The following RGS20 variants were observed in gnomAD, a reference collection of about 807,000 sequenced individuals.
The protein encoded by RGS20 is gz-selective GTPase-activating protein.
A neutral mutation model predicts 33.6 loss-of-function variants in RGS20; 30 were observed. The ratio of observed to expected loss-of-function variants is 0.89; its 90% CI spans 0.67 to 1.21. The LOEUF is 1.21. Among genes scored for constraint, RGS20 ranks in the 50% most tolerant of loss-of-function variants. RGS20 has a pLI of 0.00. For synonymous variants in RGS20, 208 were observed against 197.9 expected, an observed-to-expected ratio of 1.05 and a Z score of -0.43; for missense variants, 472 against 502.4, an observed-to-expected ratio of 0.94 and a Z score of 0.58.
chr8:53,881,179 G>T lies in RGS20; in HGVS notation c.510+1577G>T, dbSNP rs1812370021. The T allele has an allele frequency of 8.6e-6, 8 of 933,518 alleles. 1 individual carries two copies. The highest frequency in any genetic ancestry group is 3.2e-4 in the Middle Eastern group (1 of 3,122). The allele number at this position is 933,518 out of a possible 1,614,324, so 57.8% of individuals were successfully genotyped here. A position where few individuals can be genotyped will look rare whatever the true frequency, so the allele number is the denominator to read the frequency against. On this transcript the variant is annotated intron_variant, in intron 2 of 5. Coordinates refer to ENST00000297313, the MANE Select transcript of RGS20 (RefSeq NM_170587.4). Reference sequence around the variant, plus strand: ...TGGCCGAGGCTGGGAGGGGCGCGCCGCTCGTCCGGACCTCAGGGTGTCGCC... The same window carrying T: ...TGGCCGAGGCTGGGAGGGGCGCGCCTCTCGTCCGGACCTCAGGGTGTCGCC...
chr8:53,957,075 C>CA (rs1357605203), intron 5 of RGS20, among the ~76,000 whole-genome samples: 1 of 152,176 alleles, frequency 6.6e-6, no homozygotes, highest in Non-Finnish European at 1.5e-5. Flanking sequence ...CACTAGGACA[C>CA]AGAGTTTACC....
chr8:53,881,417 T>C (rs1812379850), intron 2 of RGS20, among the ~76,000 whole-genome samples: 1 of 151,994 alleles, frequency 6.6e-6, no homozygotes, highest in Non-Finnish European at 1.5e-5. Flanking sequence ...CTTTAGACCC[T>C]AGAAATCGCA....
At chr8:53,864,447 A>C (rs951045929) in intron 1 of RGS20, among the ~76,000 whole-genome samples, 3 of 151,832 alleles carry the variant, frequency 2.0e-5, no homozygotes, top group African/African-American at 4.8e-5. Context: ...AAAAAAAAAA[A>C]AAAACTCAGA....
At chr8:53,868,659 T>C (rs972773007) in intron 1 of RGS20, among the ~76,000 whole-genome samples, 2 of 152,098 alleles carry the variant, frequency 1.3e-5, no homozygotes, top group Non-Finnish European at 2.9e-5. Context: ...GGTAAATATA[T>C]ATATATATAT....
chr8:53,882,913 A>G (rs1041282272), intron 2 of RGS20, among the ~76,000 whole-genome samples: 23 of 152,032 alleles, frequency 1.5e-4, no homozygotes, highest in Admixed American at 6.6e-5. Context: ...GCTTGGCTTC[A>G]TTTCATCCCT....
intron 2 of RGS20, among the ~76,000 whole-genome samples, chr8:53,909,209 G>GTGTA (rs1242600309): frequency 9.1e-5 from 4 of 43,732 alleles, no homozygotes; most frequent in African/African-American, 2.2e-4. Context: ...TGGTATGTGT[G>GTGTA]TATATATATA....
intron 2 of RGS20, among the ~76,000 whole-genome samples, chr8:53,911,562 T>TTG (rs34215280): frequency 0.41 from 61,820 of 151,870 alleles, 15,748 homozygotes; most frequent in African/African-American, 0.74. Context: ...ATTTAAAATA[T>TTG]AGTCATATGG....
chr8:53,955,066 G>A (rs1814828304), intron 5 of RGS20, among the ~76,000 whole-genome samples: 1 of 151,206 alleles, frequency 6.6e-6, no homozygotes, highest in East Asian at 2.0e-4. Flanking sequence ...CCGCTCTGCA[G>A]GTCCACAGTC....
At chr8:53,952,442 C>A (rs1395780115) in intron 4 of RGS20, among the ~76,000 whole-genome samples, 3 of 150,774 alleles carry the variant, frequency 2.0e-5, no homozygotes, top group Middle Eastern at 3.4e-3. Context: ...AAAAAAAAAA[C>A]TGGCTGGGCA....
chr8:53,853,662 T>G (rs1410148279), intron 1 of RGS20, among the ~76,000 whole-genome samples: 1 of 152,204 alleles, frequency 6.6e-6, no homozygotes, highest in Non-Finnish European at 1.5e-5. Flanking sequence ...GCAGATACCA[T>G]TGAATCCTTA....
chr8:53,941,357 A>G (rs1814292956), intron 3 of RGS20, among the ~76,000 whole-genome samples: 1 of 152,140 alleles, frequency 6.6e-6, no homozygotes, highest in Non-Finnish European at 1.5e-5. Flanking sequence ...GTAAAATAAG[A>G]CATTCTCAGA....
chr8:53,874,194 G>GA (rs969390014), intron 1 of RGS20, among the ~76,000 whole-genome samples: 2 of 152,020 alleles, frequency 1.3e-5, no homozygotes, highest in African/African-American at 4.8e-5. Flanking sequence ...AAAGAAAAAA[G>GA]AAAGAAAGTC....
chr8:53,956,227 TAC>T (rs1255375948), intron 5 of RGS20, among the ~76,000 whole-genome samples: 35 of 152,246 alleles, frequency 2.3e-4, no homozygotes, highest in African/African-American at 7.2e-4. Flanking sequence ...ACTGCAAGTA[TAC>T]ACAGATTGTG....
intron 2 of RGS20, among the ~76,000 whole-genome samples, chr8:53,915,876 C>G (rs1813468923): frequency 6.6e-6 from 1 of 152,092 alleles, no homozygotes; most frequent in African/African-American, 2.4e-5. Flanking sequence ...ATGAACCACC[C>G]CACCTGACAT....
intron 2 of RGS20, chr8:53,914,037 C>CT (rs35840682): frequency 0.056 from 7,684 of 136,924 alleles, 797 homozygotes; most frequent in African/African-American, 0.19. Context: ...TCCAATCTCT[C>CT]TTTTTTTTTT....
chr8:53,871,112 CAAAAAAAAAAAAAAAA>C (rs370091533), intron 1 of RGS20, among the ~76,000 whole-genome samples: 2 of 21,464 alleles, frequency 9.3e-5, no homozygotes, highest in Non-Finnish European at 2.6e-4. Flanking sequence ...CTCCATCTCA[CAAAAAAAAAAAAAAAA>C]AAAAAAAAAA....
chr8:53,856,848 G>A (rs1811685535), intron 1 of RGS20, among the ~76,000 whole-genome samples: 1 of 152,108 alleles, frequency 6.6e-6, no homozygotes, highest in South Asian at 2.1e-4. Flanking sequence ...GTGATCCCTT[G>A]AGCAGCTGAT....
At chr8:53,892,564 A>C (rs1812742175) in intron 2 of RGS20, among the ~76,000 whole-genome samples, 1 of 152,234 alleles carries the variant, frequency 6.6e-6, no homozygotes, top group Non-Finnish European at 1.5e-5. Context: ...TGTAAAAAGC[A>C]TGAGTATTGG....
chr8:53,950,133 C>T lies in RGS20; in HGVS notation c.743+3385C>T, dbSNP rs571817039. 4.6e-5 allele frequency among the ~76,000 whole-genome samples: 7 copies of T among 152,124 alleles called. No homozygotes were observed. The South Asian group carries it at 1.5e-3, about 32-fold the overall frequency. ...AGGATTACAAGCGTGAGCCACTACG[C>T]CCAGCGTGTTAACACATTTCTTTAA... On this transcript the variant is annotated intron_variant, in intron 4 of 5. Transcript: ENST00000297313.
Sources: gnomAD v4.1 joint callset for allele counts (sites outside exome capture counted in the v4.1 genomes callset) on GRCh38, gnomAD v4.1.1 for gene constraint, MANE v1.5 for transcripts, NCBI Gene and HGNC (gene_info 2026-07-23, HGNC 2026-07-21) for gene names.